REDIC1: variants seen among roughly 807,000 people sequenced by gnomAD.
The protein encoded by REDIC1 is regulator of DNA class I crossover intermediates 1.
the REDIC1 span, among the ~76,000 whole-genome samples, chr12:39,784,130 G>A: frequency 1.2e-3 from 176 of 152,254 alleles, 2 homozygotes; most frequent in African/African-American, 3.9e-3. Flanking sequence ...AATCAATATC[G>A]TGAAAATGGC....
chr12:39,801,917 C>T, the REDIC1 span, among the ~76,000 whole-genome samples: 1 of 152,160 alleles, frequency 6.6e-6, no homozygotes. Context: ...AGGCACCATT[C>T]TAGGTGCTGC....
chr12:39,704,505 G>A, the REDIC1 span, among the ~76,000 whole-genome samples: 5 of 152,154 alleles, frequency 3.3e-5, no homozygotes, highest in Non-Finnish European at 7.4e-5. Flanking sequence ...ATTGTAGAAG[G>A]CAGTGTGGCG....
the REDIC1 span, chr12:39,760,323 A>C: frequency 5.6e-6 from 8 of 1,431,258 alleles, no homozygotes; most frequent in Non-Finnish European, 7.6e-6. Flanking sequence ...AGATTACTTG[A>C]TTTTGACTTT....
the REDIC1 span, among the ~76,000 whole-genome samples, chr12:39,896,715 T>C: frequency 6.6e-6 from 1 of 151,956 alleles, no homozygotes; most frequent in Admixed American, 6.6e-5. Flanking sequence ...CTTCAAGTAT[T>C]TTATAGTATA....
chr12:39,826,454 G>T, the REDIC1 span, among the ~76,000 whole-genome samples: 1 of 147,050 alleles, frequency 6.8e-6, no homozygotes. Context: ...AATTTTTCTG[G>T]GTTTTTTTTT....
the REDIC1 span, chr12:39,864,885 T>TA: frequency 0.059 from 64,648 of 1,103,876 alleles, 426 homozygotes; most frequent in African/African-American, 0.14. Flanking sequence ...GGTGGTACCT[T>TA]AAAAAAAAAA....
At chr12:39,871,905 A>G in the REDIC1 span, 1 of 1,611,498 alleles carries the variant, frequency 6.2e-7, no homozygotes, top group South Asian at 1.1e-5. Flanking sequence ...AGCCAGCCAT[A>G]TTGCAAGTCT....
the REDIC1 span, among the ~76,000 whole-genome samples, chr12:39,695,987 G>C: frequency 6.6e-6 from 1 of 152,088 alleles, no homozygotes; most frequent in Non-Finnish European, 1.5e-5. Context: ...CCCAGATGTT[G>C]TCTAAGACAA....
chr12:39,782,791 T>C, the REDIC1 span, among the ~76,000 whole-genome samples: 256 of 152,214 alleles, frequency 1.7e-3, 2 homozygotes, highest in African/African-American at 5.9e-3. Context: ...ATATGAACAA[T>C]AAGGTCCAGG....
chr12:39,704,037 C>T, the REDIC1 span, among the ~76,000 whole-genome samples: 6 of 152,168 alleles, frequency 3.9e-5, no homozygotes, highest in Non-Finnish European at 5.9e-5. Flanking sequence ...TCTAAAACAC[C>T]AAAAGCAATG....
At chr12:39,810,747 TTTC>T in the REDIC1 span, among the ~76,000 whole-genome samples, 1 of 152,178 alleles carries the variant, frequency 6.6e-6, no homozygotes, top group African/African-American at 2.4e-5. Context: ...ATTTTTCTCT[TTTC>T]TTCTCTTAAT....
At chr12:39,688,643 A>G in the REDIC1 span, among the ~76,000 whole-genome samples, 1 of 152,232 alleles carries the variant, frequency 6.6e-6, no homozygotes, top group Admixed American at 6.5e-5. Context: ...ATATGATGAC[A>G]TCGTAATAAA....
chr12:39,881,756 G>A, the REDIC1 span, among the ~76,000 whole-genome samples: 2 of 152,188 alleles, frequency 1.3e-5, no homozygotes, highest in African/African-American at 4.8e-5. Context: ...CTCTGGGCCT[G>A]AGGAGTGGGA....
At chr12:39,896,575 T>C in the REDIC1 span, among the ~76,000 whole-genome samples, 1 of 76,086 alleles carries the variant, frequency 1.3e-5, no homozygotes, top group African/African-American at 4.8e-5. Context: ...TATGTATGTA[T>C]GTGTGTATAT....
the REDIC1 span, among the ~76,000 whole-genome samples, chr12:39,900,142 C>G: frequency 0.014 from 1,774 of 128,292 alleles, 29 homozygotes; most frequent in African/African-American, 0.045. Flanking sequence ...ATTCAACAAC[C>G]CTTCAGGCTA....
the REDIC1 span, among the ~76,000 whole-genome samples, chr12:39,815,144 C>T: frequency 3.5e-4 from 53 of 152,158 alleles, 1 homozygote; most frequent in South Asian, 0.011. Context: ...AAATCAAAGT[C>T]GTTGGATTCC....
At chr12:39,890,553 C>T in the REDIC1 span, among the ~76,000 whole-genome samples, 4 of 152,158 alleles carry the variant, frequency 2.6e-5, no homozygotes, top group Non-Finnish European at 5.9e-5. Flanking sequence ...AGAAGTAAAT[C>T]TATCTGACCT....
At chr12:39,803,204 CAAA>C in the REDIC1 span, among the ~76,000 whole-genome samples, 6 of 73,728 alleles carry the variant, frequency 8.1e-5, no homozygotes, top group African/African-American at 1.8e-4. Flanking sequence ...GAAGCAAATG[CAAA>C]AAAAAAAAAA....
the REDIC1 span, among the ~76,000 whole-genome samples, chr12:39,718,681 T>C: frequency 6.6e-6 from 1 of 152,082 alleles, no homozygotes; most frequent in Admixed American, 6.6e-5. Flanking sequence ...TTTTTTTTCC[T>C]GGAATAGGGC....
Sources: allele counts gnomAD v4.1 joint callset (sites outside exome capture counted in the v4.1 genomes callset), GRCh38; gene constraint gnomAD v4.1.1; transcripts MANE v1.5; gene names NCBI Gene and HGNC (gene_info 2026-07-23, HGNC 2026-07-21).